Variants in EEPD1 observed in about 807,000 individuals in gnomAD.
The protein encoded by EEPD1 is endonuclease/exonuclease/phosphatase family domain-containing protein 1.
A neutral mutation model predicts 46.3 loss-of-function variants in EEPD1; 17 were observed. The observed-to-expected ratio is 0.37, with a 90% CI of 0.25 to 0.55. The LOEUF (loss-of-function observed/expected upper bound fraction) is 0.55. EEPD1 is among the 20% of genes least tolerant of loss of function. EEPD1 has a pLI of 0.83. For missense variants in EEPD1, 673 were observed against 745.6 expected, an observed-to-expected ratio of 0.90 and a Z score of 1.13; for synonymous variants, 313 against 315.6, an observed-to-expected ratio of 0.99 and a Z score of 0.09.
intron 2 of EEPD1, among the ~76,000 whole-genome samples, chr7:36,192,495 TTTC>T (rs1473157287): frequency 3.9e-5 from 5 of 127,672 alleles, no homozygotes; most frequent in Non-Finnish European, 1.6e-5. Context: ...TGTGCATGTA[TTTC>T]TTCTTTCTCT....
chr7:36,299,052 C>T lies in EEPD1; in HGVS notation c.1556C>T (p.Pro519Leu), dbSNP rs1315121510. ...GAAGGCCTCACGAACCCTTGGATTC[C>T]GGATAACTGGTCTTGGGGCGGGGTG... The part of the protein sequence containing the change: ...VREGLTNPWI[P>L]DNWSWGGVAS... Residue 519 changes from proline (P) to leucine (L), a missense_variant, in exon 8 of 8, where the codon CCG becomes CTG. Coordinates refer to ENST00000242108, the MANE Select transcript of EEPD1 (RefSeq NM_030636.3). 1.2e-5 allele frequency: 19 copies of T among 1,613,984 alleles called. No homozygotes were observed. The highest frequency in any genetic ancestry group is 1.7e-5 in the Admixed American group (1 of 59,998).
At chr7:36,298,122 A>T (rs961182652) in intron 7 of EEPD1, among the ~76,000 whole-genome samples, 3 of 152,248 alleles carry the variant, frequency 2.0e-5, no homozygotes, top group African/African-American at 7.2e-5. Context: ...AATGATGAAG[A>T]AAGTGGGTCT....
At chr7:36,176,704 A>G (rs904971517) in intron 2 of EEPD1, among the ~76,000 whole-genome samples, 18 of 152,192 alleles carry the variant, frequency 1.2e-4, no homozygotes, top group Admixed American at 3.9e-4. Context: ...AAGATAGTAT[A>G]TTGACTTCAG....
intron 2 of EEPD1, among the ~76,000 whole-genome samples, chr7:36,167,264 A>G: frequency 6.6e-6 from 1 of 152,188 alleles, no homozygotes; most frequent in East Asian, 1.9e-4. Context: ...CCCTGACAAG[A>G]TCATTTAAGA....
chr7:36,234,798 A>C (rs1786400357), intron 2 of EEPD1, among the ~76,000 whole-genome samples: 1 of 152,082 alleles, frequency 6.6e-6, no homozygotes, highest in Non-Finnish European at 1.5e-5. Context: ...ACCAGTGAGC[A>C]TTCTGGGTGG....
chr7:36,287,568 G>A (rs1583479744), intron 5 of EEPD1, 71 bp from the exon 6 acceptor site: 2 of 1,554,662 alleles, frequency 1.3e-6, no homozygotes. Flanking sequence ...CTATTTATGA[G>A]TCGGTTGTAA....
At chr7:36,270,175 T>C (rs1787081857) in intron 3 of EEPD1, among the ~76,000 whole-genome samples, 1 of 152,174 alleles carries the variant, frequency 6.6e-6, no homozygotes, top group Non-Finnish European at 1.5e-5. Context: ...GGAAACAGCC[T>C]AGAAGGAATT....
intron 2 of EEPD1, among the ~76,000 whole-genome samples, chr7:36,219,806 A>AGAGAGAGAGAGTGT (rs1341203087): frequency 1.3e-5 from 1 of 75,400 alleles, no homozygotes; most frequent in Non-Finnish European, 2.6e-5. Flanking sequence ...AGAGAGAGAG[A>AGAGAGAGAGAGTGT]GTGTGTGTGT....
chr7:36,156,929 G>C (rs1433262013), intron 2 of EEPD1, among the ~76,000 whole-genome samples: 1 of 152,004 alleles, frequency 6.6e-6, no homozygotes, highest in Non-Finnish European at 1.5e-5. Flanking sequence ...CTCCATACCT[G>C]TGGGTTCCAC....
chr7:36,207,438 G>T (rs1249492806), intron 2 of EEPD1, among the ~76,000 whole-genome samples: 2 of 152,186 alleles, frequency 1.3e-5, no homozygotes, highest in African/African-American at 2.4e-5. Flanking sequence ...TCTGACCCTG[G>T]TATGTCCATT....
intron 2 of EEPD1, among the ~76,000 whole-genome samples, chr7:36,161,491 G>A (rs553537377): frequency 6.6e-6 from 1 of 152,102 alleles, no homozygotes; most frequent in African/African-American, 2.4e-5. Flanking sequence ...GAGTGTAGTG[G>A]CATAGTGACA....
chr7:36,191,640 A>C (rs754247087), intron 2 of EEPD1, among the ~76,000 whole-genome samples: 4 of 152,194 alleles, frequency 2.6e-5, no homozygotes, highest in Non-Finnish European at 4.4e-5. Context: ...AGAGAGAAGA[A>C]GGCTCAGACT....
chr7:36,292,167 T>A (rs1787452846), intron 6 of EEPD1, among the ~76,000 whole-genome samples: 1 of 152,118 alleles, frequency 6.6e-6, no homozygotes, highest in South Asian at 2.1e-4. Flanking sequence ...TGCCAGGCGC[T>A]TCTGGCGGCT....
At chr7:36,286,382 A>C (rs1445828320) in intron 5 of EEPD1, among the ~76,000 whole-genome samples, 2 of 152,178 alleles carry the variant, frequency 1.3e-5, no homozygotes, top group African/African-American at 4.8e-5. Context: ...GTTGCTGGCA[A>C]ACTGGGACCA....
chr7:36,224,102 A>G (rs371562670), intron 2 of EEPD1, among the ~76,000 whole-genome samples: 3 of 152,336 alleles, frequency 2.0e-5, no homozygotes, highest in Admixed American at 1.3e-4. Flanking sequence ...GGAGCCTCAG[A>G]TCTTAAATTA....
intron 3 of EEPD1, among the ~76,000 whole-genome samples, chr7:36,244,220 A>G (rs35674183): frequency 0.14 from 21,357 of 151,422 alleles, 1,615 homozygotes; most frequent in East Asian, 0.22. Context: ...ACACCCTGCT[A>G]TGATAGAACT....
At chr7:36,175,162 A>G (rs1016513269) in intron 2 of EEPD1, among the ~76,000 whole-genome samples, 3 of 147,996 alleles carry the variant, frequency 2.0e-5, no homozygotes, top group Non-Finnish European at 4.5e-5. Flanking sequence ...CACATAGGTT[A>G]TAGTTCACTG....
intron 2 of EEPD1, among the ~76,000 whole-genome samples, chr7:36,197,897 A>T (rs986985842): frequency 2.6e-5 from 4 of 151,860 alleles, no homozygotes; most frequent in Non-Finnish European, 5.9e-5. Context: ...CAATAAAAAA[A>T]AAAATAAAAA....
At chr7:36,160,414 G>A (rs568656827) in intron 2 of EEPD1, among the ~76,000 whole-genome samples, 91 of 152,318 alleles carry the variant, frequency 6.0e-4, no homozygotes, top group Non-Finnish European at 1.1e-3. Context: ...GCTGATGGAT[G>A]AGAAGAAGCC....
Sources: gnomAD v4.1 joint callset for allele counts (sites outside exome capture counted in the v4.1 genomes callset) on GRCh38, gnomAD v4.1.1 for gene constraint, MANE v1.5 for transcripts, NCBI Gene and HGNC (gene_info 2026-07-23, HGNC 2026-07-21) for gene names.